The following PPIL3 variants were observed in gnomAD, a reference collection of about 807,000 sequenced individuals.
The protein encoded by PPIL3 is peptidyl-prolyl cis-trans isomerase-like 3.
A neutral mutation model predicts 20.9 loss-of-function variants in PPIL3; 13 were observed. That is an observed-to-expected ratio of 0.62 (90% CI 0.40 to 0.99). PPIL3 has a LOEUF of 0.99. Ranked by LOEUF, PPIL3 falls within the 50% of genes least tolerant of loss-of-function variation. The pLI is 0.00. For missense variants in PPIL3, 170 were observed against 195.2 expected (o/e 0.87, Z 0.77); for synonymous variants, 71 against 64.4 (o/e 1.10, Z -0.49).
At chr2:200,872,689 G>A (rs2039352938) in intron 6 of PPIL3, among the ~76,000 whole-genome samples, 1 of 151,932 alleles carries the variant, frequency 6.6e-6, no homozygotes, top group Admixed American at 6.6e-5. Context: ...GAAATTGCAA[G>A]GTTTTTAAAA....
chr2:200,887,567 A>T, intron 2 of PPIL3, 46 bp downstream of exon 2: 1 of 1,468,064 alleles, frequency 6.8e-7, no homozygotes, highest in Non-Finnish European at 9.4e-7. Context: ...ATTTCTAAAA[A>T]TTACTTATAA....
intron 6 of PPIL3, among the ~76,000 whole-genome samples, chr2:200,873,465 T>C (rs1393545333): frequency 1.3e-5 from 2 of 151,716 alleles, no homozygotes; most frequent in African/African-American, 4.8e-5. Context: ...GCTGGGGTTA[T>C]AGGCATGAGC....
At chr2:200,885,471 G>A in intron 3 of PPIL3, 2 of 429,694 alleles carry the variant, frequency 4.7e-6, no homozygotes, top group Non-Finnish European at 8.1e-6. Flanking sequence ...AAAAGAAAAA[G>A]ATACTGGCTA....
At chr2:200,882,484 A>T (rs1211090375) in intron 3 of PPIL3, 49 bp from the exon 4 acceptor site, 1 of 1,158,910 alleles carries the variant, frequency 8.6e-7, no homozygotes, top group East Asian at 2.3e-5. Flanking sequence ...AAACCCAGTT[A>T]AGACAAAAAA....
intron 6 of PPIL3, 129 bp downstream of exon 6, chr2:200,876,790 T>G (rs1328332430): frequency 1.4e-6 from 1 of 729,080 alleles, no homozygotes; most frequent in East Asian, 2.7e-5. Context: ...CCCAAAGTGC[T>G]GGGATTACAG....
Position 200,887,636 on chromosome 2 carries a change from G to C in PPIL3, c.-21C>G. ...ACCATTTTTCCTCTTAGTGGTTTCA[G>C]GAAGGACTACGTGATTTCTCAGTCT... On this transcript the variant is annotated 5_prime_UTR_variant, in exon 2 of 7. Transcript: ENST00000392283. 6.3e-7 allele frequency: 1 copy of C among 1,597,990 alleles called. No homozygotes were observed. Among genetic ancestry groups the C allele is most frequent in the Non-Finnish European group, 8.5e-7 (1 of 1,171,044 alleles).
At chr2:200,881,096 C>A (rs1252386568) in intron 5 of PPIL3, among the ~76,000 whole-genome samples, 1 of 152,102 alleles carries the variant, frequency 6.6e-6, no homozygotes, top group African/African-American at 2.4e-5. Context: ...TCAAAAAAGG[C>A]CACTGTTTCA....
chr2:200,873,966 G>A (rs1265749355), intron 6 of PPIL3, among the ~76,000 whole-genome samples: 1 of 151,618 alleles, frequency 6.6e-6, no homozygotes, highest in Non-Finnish European at 1.5e-5. Flanking sequence ...AGCACTTTGG[G>A]AGGCCAAGGC....
intron 6 of PPIL3, among the ~76,000 whole-genome samples, chr2:200,874,496 G>A (rs1308974874): frequency 6.6e-6 from 1 of 152,200 alleles, no homozygotes; most frequent in South Asian, 2.1e-4. Context: ...GAAAGTTACT[G>A]GATCATCTTC....
At chr2:200,882,305 T>G in intron 4 of PPIL3, 37 bp downstream of exon 4, 1 of 1,303,188 alleles carries the variant, frequency 7.7e-7, no homozygotes, top group Non-Finnish European at 1.1e-6. Context: ...ATACTATACA[T>G]TCAGTTCCTT....
chr2:200,880,204 A>G (rs931575648), intron 5 of PPIL3, among the ~76,000 whole-genome samples: 1 of 152,066 alleles, frequency 6.6e-6, no homozygotes, highest in African/African-American at 2.4e-5. Flanking sequence ...CCAAGAATGC[A>G]TCACTGCACT....
At chr2:200,885,619 T>C (rs1321689384) in intron 3 of PPIL3, 79 bp downstream of exon 3, 23 of 927,118 alleles carry the variant, frequency 2.5e-5, no homozygotes, top group Non-Finnish European at 3.6e-5. Context: ...GTTGTTGTTA[T>C]TTAGGTTAGA....
intron 3 of PPIL3, among the ~76,000 whole-genome samples, chr2:200,884,056 A>T (rs2039836288): frequency 6.6e-6 from 1 of 152,172 alleles, no homozygotes; most frequent in South Asian, 2.1e-4. Context: ...CCAGCCATAA[A>T]TAATTGCTGA....
rs772486801 is a variant in PPIL3 at position 200,889,010 on chromosome 2, T to C, written c.-125A>G. ...CGTTGTTAAAACAGGAAAAATGCAA[T>C]CGCAGATGCCAGCAGAGGTCTGTTG... is the stretch of plus-strand genomic sequence containing the variant. On this transcript the variant is annotated 5_prime_UTR_variant, in exon 1 of 7. Transcript: ENST00000392283. 2.8e-5 allele frequency: 13 copies of C among 471,068 alleles called. No individual in the cohort carries two copies. Among genetic ancestry groups the C allele is most frequent in the Non-Finnish European group, 2.2e-5 (5 of 227,070 alleles). The allele number at this position is 471,068 out of a possible 1,614,324, so 29.2% of individuals were successfully genotyped here. A position where few individuals can be genotyped will look rare whatever the true frequency, so the allele number is the denominator to read the frequency against.
intron 4 of PPIL3, 60 bp downstream of exon 4, chr2:200,882,282 T>C: frequency 9.2e-7 from 1 of 1,088,786 alleles, no homozygotes; most frequent in Non-Finnish European, 1.4e-6. Flanking sequence ...CCTCTTCTTT[T>C]ACCCACTTCT....
In PPIL3 at chr2:200,881,459, C is replaced by T. The variant is rs756924975; in HGVS notation, c.202G>A (p.Gly68Ser). 1.9e-6 allele frequency: 3 copies of T among 1,613,208 alleles called. No homozygotes were observed. The highest frequency in any genetic ancestry group is 4.5e-5 in the East Asian group (2 of 44,804). The change falls in exon 5 of 7, where the codon GGC (glycine) becomes AGC (serine). Residue 68 changes from glycine (G) to serine (S), a missense_variant. Transcript: ENST00000392283. Reference protein sequence around the residue: ...GTGRGGNSIWGKKFEDEYSEY... With the variant: ...GTGRGGNSIWSKKFEDEYSEY... ...CTGTATTCATCCTCAAACTTCTTGC[C>T]CCAAATACTGTTGCCTCCTCTTCCA...
chr2:200,874,488 A>G (rs895841996), intron 6 of PPIL3, among the ~76,000 whole-genome samples: 2 of 152,160 alleles, frequency 1.3e-5, no homozygotes, highest in East Asian at 3.9e-4. Context: ...AACTAGAGGA[A>G]AGTTACTGGA....
chr2:200,883,020 A>C (rs1356345974), intron 3 of PPIL3, among the ~76,000 whole-genome samples: 1 of 151,522 alleles, frequency 6.6e-6, no homozygotes, highest in East Asian at 1.9e-4. Context: ...CTTACTACCT[A>C]AACTCCATCA....
intron 5 of PPIL3, among the ~76,000 whole-genome samples, chr2:200,878,838 T>C (rs1575104252): frequency 6.6e-6 from 1 of 152,234 alleles, no homozygotes; most frequent in South Asian, 2.1e-4. Context: ...CATATAGCCA[T>C]AGTTTATTAC....
Sources: allele counts gnomAD v4.1 joint callset (sites outside exome capture counted in the v4.1 genomes callset), GRCh38; gene constraint gnomAD v4.1.1; transcripts MANE v1.5; gene names NCBI Gene and HGNC (gene_info 2026-07-23, HGNC 2026-07-21).